FAM47E: variants seen among roughly 807,000 people sequenced by gnomAD.
FAM47E encodes family with sequence similarity 47 member E.
A neutral mutation model predicts 41.6 loss-of-function variants in FAM47E; 32 were observed. That is an observed-to-expected ratio of 0.77 (90% CI 0.58 to 1.03). The LOEUF (loss-of-function observed/expected upper bound fraction) is 1.03. FAM47E is among the 50% of genes least tolerant of loss of function. FAM47E has a pLI of 0.00. For synonymous variants in FAM47E, 184 were observed against 188.7 expected, an observed-to-expected ratio of 0.98 and a Z score of 0.20; for missense variants, 424 against 485.4, an observed-to-expected ratio of 0.87 and a Z score of 1.19.
intron 3 of FAM47E, 35 bp downstream of exon 3, chr4:76,263,878 T>C (rs1175159510): frequency 1.3e-6 from 2 of 1,542,982 alleles, no homozygotes; most frequent in Non-Finnish European, 1.7e-6. Flanking sequence ...ATCATTGCTG[T>C]CACCTGATGA....
chr4:76,261,787 G>A (rs774417650), intron 2 of FAM47E, among the ~76,000 whole-genome samples: 8 of 152,038 alleles, frequency 5.3e-5, no homozygotes, highest in Non-Finnish European at 8.8e-5. Context: ...ACATACTCAT[G>A]TAACACACCT....
intron 1 of FAM47E, among the ~76,000 whole-genome samples, chr4:76,252,897 C>T (rs750276233): frequency 2.6e-5 from 4 of 152,140 alleles, no homozygotes; most frequent in Non-Finnish European, 5.9e-5. Flanking sequence ...AACTAGAGAC[C>T]TTACTTGGAT....
intron 2 of FAM47E, among the ~76,000 whole-genome samples, chr4:76,262,763 T>C (rs1207143454): frequency 1.3e-5 from 2 of 152,086 alleles, no homozygotes; most frequent in East Asian, 3.9e-4. Flanking sequence ...ATCATGATTG[T>C]TTTTTGTTTG....
chr4:76,255,730 A>T (rs1734161388), intron 1 of FAM47E, among the ~76,000 whole-genome samples: 1 of 152,182 alleles, frequency 6.6e-6, no homozygotes, highest in Non-Finnish European at 1.5e-5. Flanking sequence ...AGTTGGAATA[A>T]TGAATTAGAT....
intron 2 of FAM47E, among the ~76,000 whole-genome samples, chr4:76,241,124 G>A (rs980449521): frequency 1.3e-5 from 2 of 152,020 alleles, no homozygotes; most frequent in African/African-American, 4.8e-5. Flanking sequence ...CTGAGGATTA[G>A]CCTGAAATAT....
At chr4:76,255,626 C>G (rs1435969319) in intron 1 of FAM47E, among the ~76,000 whole-genome samples, 2 of 152,148 alleles carry the variant, frequency 1.3e-5, no homozygotes, top group African/African-American at 4.8e-5. Flanking sequence ...CAACTGCACT[C>G]TGTCCCTTTT....
intron 5 of FAM47E, among the ~76,000 whole-genome samples, chr4:76,276,906 C>T (rs973994553): frequency 1.6e-4 from 25 of 152,308 alleles, no homozygotes; most frequent in Non-Finnish European, 1.5e-5. Context: ...CCCATCCTCT[C>T]TTTCTTGGAG....
intron 4 of FAM47E, among the ~76,000 whole-genome samples, chr4:76,270,677 T>C (rs1382362359): frequency 6.6e-6 from 1 of 152,148 alleles, no homozygotes; most frequent in African/African-American, 2.4e-5. Context: ...AATAAGAGTT[T>C]AGCTTCTCTG....
chr4:76,222,391 TA>T (rs1428683966), intron 2 of FAM47E, among the ~76,000 whole-genome samples: 1 of 152,176 alleles, frequency 6.6e-6, no homozygotes, highest in Non-Finnish European at 1.5e-5. Context: ...CATGCCCAGC[TA>T]ATTTTTGTAT....
intron 5 of FAM47E, among the ~76,000 whole-genome samples, chr4:76,276,012 GGACAGACA>G (rs750155309): frequency 6.4e-5 from 9 of 140,014 alleles, no homozygotes; most frequent in Admixed American, 1.5e-4. Context: ...ATGATGCATG[GGACAGACA>G]GACAGACAGA....
chr4:76,221,265 C>G (rs1733302137), intron 2 of FAM47E, among the ~76,000 whole-genome samples: 1 of 152,200 alleles, frequency 6.6e-6, no homozygotes, highest in Admixed American at 6.5e-5. Context: ...CTCACTGGTC[C>G]TGGCCTGGGG....
At chr4:76,275,695 A>G (rs6823078) in intron 5 of FAM47E, among the ~76,000 whole-genome samples, 54,517 of 152,004 alleles carry the variant, frequency 0.36, 10,368 homozygotes, top group Admixed American at 0.42. Context: ...AAGGCATCAC[A>G]GAAGGAATTA....
chr4:76,239,852 T>C (rs1733669887), intron 2 of FAM47E, among the ~76,000 whole-genome samples: 1 of 152,222 alleles, frequency 6.6e-6, no homozygotes, highest in South Asian at 2.1e-4. Flanking sequence ...CTATGAGTTT[T>C]ATAGTTTTAG....
intron 5 of FAM47E, among the ~76,000 whole-genome samples, chr4:76,276,364 G>GTTTTTT (rs145661561): frequency 2.8e-5 from 4 of 140,744 alleles, no homozygotes; most frequent in South Asian, 2.3e-4. Context: ...ACTTTTTTTT[G>GTTTTTT]TTTGTTTGTT....
intron 4 of FAM47E, chr4:76,269,749 T>C (rs1876540): frequency 0.36 from 54,097 of 151,378 alleles, 10,249 homozygotes; most frequent in Admixed American, 0.42. Flanking sequence ...CATCATGCCA[T>C]TGCACTCCAG....
intron 2 of FAM47E, 130 bp from the exon 3 acceptor site, chr4:76,263,574 G>T (rs1159898606): frequency 9.1e-7 from 1 of 1,098,036 alleles, no homozygotes; most frequent in Non-Finnish European, 1.3e-6. Context: ...ACTTGGCACA[G>T]AAGTTGGTGA....
intron 4 of FAM47E, among the ~76,000 whole-genome samples, chr4:76,270,524 G>A (rs573881795): frequency 1.3e-5 from 2 of 152,150 alleles, no homozygotes; most frequent in African/African-American, 2.4e-5. Flanking sequence ...TGAAGCAGAC[G>A]ACGCCCACTA....
intron 1 of FAM47E, 41 bp from the exon 2 acceptor site, chr4:76,256,137 T>C: frequency 6.5e-7 from 1 of 1,528,528 alleles, no homozygotes; most frequent in Non-Finnish European, 8.8e-7. Flanking sequence ...TGAACAGGCA[T>C]GTGGTATTCT....
chr4:76,231,395 A>T (rs919032992), intron 2 of FAM47E, among the ~76,000 whole-genome samples: 2 of 152,208 alleles, frequency 1.3e-5, no homozygotes. Flanking sequence ...CGGTTGGTTC[A>T]CAGGAACAAG....
Sources: allele counts gnomAD v4.1 joint callset (sites outside exome capture counted in the v4.1 genomes callset), GRCh38; gene constraint gnomAD v4.1.1; transcripts MANE v1.5; gene names NCBI Gene and HGNC (gene_info 2026-07-23, HGNC 2026-07-21).